Variants in PPM1L observed in about 807,000 individuals in gnomAD.
The protein encoded by PPM1L is protein phosphatase, Mg2+/Mn2+ dependent 1L.
A neutral mutation model predicts 31.4 loss-of-function variants in PPM1L; 13 were observed. The observed-to-expected ratio is 0.41, with a 90% CI of 0.27 to 0.66. The LOEUF is 0.66. Ranked by LOEUF, PPM1L falls within the 30% of genes least tolerant of loss-of-function variation. The pLI is 0.29. For missense variants in PPM1L, 326 were observed against 453.7 expected (o/e 0.72, Z 2.56); for synonymous variants, 184 against 175.4 (o/e 1.05, Z -0.39).
At chr3:160,935,462 T>TA (rs1346935548) in intron 1 of PPM1L, among the ~76,000 whole-genome samples, 4 of 152,134 alleles carry the variant, frequency 2.6e-5, no homozygotes, top group Non-Finnish European at 2.9e-5. Flanking sequence ...TTAGCATAGT[T>TA]AAAAAAGTAG....
intron 1 of PPM1L, among the ~76,000 whole-genome samples, chr3:160,871,906 GA>G (rs1712321313): frequency 6.6e-6 from 1 of 151,928 alleles, no homozygotes; most frequent in Admixed American, 6.6e-5. Flanking sequence ...TTATTGAGCA[GA>G]AAATGACCAC....
At chr3:160,857,198 CTTCT>C (rs1282131879) in intron 1 of PPM1L, among the ~76,000 whole-genome samples, 8 of 152,012 alleles carry the variant, frequency 5.3e-5, no homozygotes, top group African/African-American at 9.7e-5. Flanking sequence ...TGGTTTCTTC[CTTCT>C]AATTACATTC....
chr3:160,805,595 G>A (rs538163402), intron 1 of PPM1L, among the ~76,000 whole-genome samples: 57 of 152,230 alleles, frequency 3.7e-4, no homozygotes, highest in Admixed American at 5.9e-4. Context: ...GGTGGCAGGT[G>A]CCTGTAATCC....
intron 2 of PPM1L, among the ~76,000 whole-genome samples, chr3:160,973,656 G>C (rs1716430720): frequency 6.6e-6 from 1 of 151,766 alleles, no homozygotes; most frequent in South Asian, 2.1e-4. Flanking sequence ...TGTAATCATA[G>C]ACAGCTGGGC....
chr3:161,013,359 TGTA>T (rs769279182), intron 2 of PPM1L, among the ~76,000 whole-genome samples: 1 of 152,230 alleles, frequency 6.6e-6, no homozygotes, highest in Non-Finnish European at 1.5e-5. Flanking sequence ...AATCCTGAGT[TGTA>T]GTTTGATTGC....
At chr3:160,878,144 C>T (rs904555640) in intron 1 of PPM1L, among the ~76,000 whole-genome samples, 8 of 152,212 alleles carry the variant, frequency 5.3e-5, no homozygotes, top group Non-Finnish European at 1.0e-4. Context: ...CAGGCCATCA[C>T]ACATTGGCCC....
chr3:160,810,898 G>A (rs776211402), intron 1 of PPM1L, among the ~76,000 whole-genome samples: 1 of 152,144 alleles, frequency 6.6e-6, no homozygotes, highest in South Asian at 2.1e-4. Context: ...TCAAAAGCCT[G>A]TTTTACAAGT....
chr3:160,971,591 C>T (rs1276164190), intron 2 of PPM1L, among the ~76,000 whole-genome samples: 1 of 152,196 alleles, frequency 6.6e-6, no homozygotes, highest in Non-Finnish European at 1.5e-5. Flanking sequence ...ATCAGAAAAT[C>T]ATGAGAGAAC....
chr3:160,855,768 G>T (rs893290134), intron 1 of PPM1L, among the ~76,000 whole-genome samples: 2 of 152,262 alleles, frequency 1.3e-5, no homozygotes, highest in East Asian at 3.9e-4. Context: ...TGGAGGGAAC[G>T]TAAGTGTTTC....
chr3:160,891,414 A>G (rs371715487), intron 1 of PPM1L, among the ~76,000 whole-genome samples: 1 of 152,244 alleles, frequency 6.6e-6, no homozygotes, highest in South Asian at 2.1e-4. Flanking sequence ...ATCACTGATC[A>G]TTAGAGAAAT....
At chr3:160,979,087 C>G (rs1576758591) in intron 2 of PPM1L, among the ~76,000 whole-genome samples, 1 of 151,946 alleles carries the variant, frequency 6.6e-6, no homozygotes, top group African/African-American at 2.4e-5. Context: ...AACGGCTCAA[C>G]AGGACAGGAT....
chr3:160,767,606 G>T (rs1212823096), intron 1 of PPM1L, among the ~76,000 whole-genome samples: 1 of 152,172 alleles, frequency 6.6e-6, no homozygotes, highest in Non-Finnish European at 1.5e-5. Context: ...CTTCTCTGGA[G>T]TAGTAAACAC....
At chr3:160,914,339 G>GC (rs1207280656) in intron 1 of PPM1L, among the ~76,000 whole-genome samples, 2 of 151,990 alleles carry the variant, frequency 1.3e-5, no homozygotes, top group Non-Finnish European at 2.9e-5. Flanking sequence ...TGCACAACGT[G>GC]CAGGTTAGTT....
chr3:160,973,407 C>T (rs556246773), intron 2 of PPM1L, among the ~76,000 whole-genome samples: 2 of 152,334 alleles, frequency 1.3e-5, no homozygotes, highest in African/African-American at 4.8e-5. Flanking sequence ...ATGCCAATGC[C>T]ATCGGTATCT....
intron 2 of PPM1L, among the ~76,000 whole-genome samples, chr3:161,039,853 C>T (rs1445896035): frequency 1.3e-5 from 2 of 152,178 alleles, no homozygotes; most frequent in East Asian, 1.9e-4. Context: ...TAACTTCTTC[C>T]GTGTGGCAAA....
At chr3:160,920,340 C>T (rs938938930) in intron 1 of PPM1L, among the ~76,000 whole-genome samples, 1 of 152,146 alleles carries the variant, frequency 6.6e-6, no homozygotes, top group Non-Finnish European at 1.5e-5. Context: ...TTCTCCTCCC[C>T]AGGCTCCCAG....
intron 1 of PPM1L, among the ~76,000 whole-genome samples, chr3:160,909,305 A>G (rs1478447891): frequency 3.3e-5 from 5 of 152,160 alleles, no homozygotes; most frequent in Non-Finnish European, 5.9e-5. Flanking sequence ...CATAGATATA[A>G]GACATCATAA....
intron 2 of PPM1L, among the ~76,000 whole-genome samples, chr3:161,038,083 A>T (rs1164625411): frequency 2.6e-5 from 4 of 151,306 alleles, no homozygotes; most frequent in Admixed American, 2.6e-4. Context: ...AAATACGAAA[A>T]ATTAGCCGGG....
In PPM1L at chr3:161,069,542, GACAGACC is replaced by G. The variant is rs1010684427; in HGVS notation, c.*388_*394del. 1.5e-4 allele frequency: 31 copies of G among 207,994 alleles called. No homozygotes were observed. The highest frequency in any genetic ancestry group is 4.2e-4 in the Admixed American group (8 of 18,946). 12.9% of individuals were successfully genotyped at this position (207,994 alleles called of 1,614,324 possible). On this transcript the variant is annotated 3_prime_UTR_variant, in exon 4 of 4. Coordinates refer to ENST00000498165, the MANE Select transcript of PPM1L (RefSeq NM_139245.4). ...GTCCTCTCTTTGTAACAGTGGACAGGACAGACCACCCAGTGCTGCAGGAGACAGGCCA... is the reference window on the plus strand; with the variant it reads ...GTCCTCTCTTTGTAACAGTGGACAGGACCCAGTGCTGCAGGAGACAGGCCA...
Sources: allele counts gnomAD v4.1 joint callset (sites outside exome capture counted in the v4.1 genomes callset), GRCh38; gene constraint gnomAD v4.1.1; transcripts MANE v1.5; gene names NCBI Gene and HGNC (gene_info 2026-07-23, HGNC 2026-07-21).